Variants in RHBDD1 observed in about 807,000 individuals in gnomAD.
RHBDD1 encodes rhomboid domain containing 1.
In RHBDD1, 38 loss-of-function variants were observed where a neutral mutation model predicts 36.3. That is an observed-to-expected ratio of 1.05 (90% CI 0.81 to 1.37). The LOEUF (loss-of-function observed/expected upper bound fraction) is 1.37. Ranked by LOEUF, RHBDD1 falls within the 40% of genes most tolerant of loss-of-function variation. The pLI, the probability that RHBDD1 is intolerant of heterozygous loss-of-function variation, is 0.00. For synonymous variants in RHBDD1, 151 were observed against 136.5 expected, an observed-to-expected ratio of 1.11 and a Z score of -0.74; for missense variants, 393 against 377.6, an observed-to-expected ratio of 1.04 and a Z score of -0.34.
At chr2:226,910,878 G>A (rs995690219) in intron 7 of RHBDD1, among the ~76,000 whole-genome samples, 3 of 152,054 alleles carry the variant, frequency 2.0e-5, no homozygotes, top group African/African-American at 7.2e-5. Flanking sequence ...TTTGGGTCCT[G>A]TTGATGATCT....
rs541919107 is a variant in RHBDD1, at chr2:226,857,861, C to A, written c.-90-6743C>A. 6.2e-4 allele frequency among the ~76,000 whole-genome samples: 95 copies of A among 152,104 alleles called. 1 individual carries two copies. The highest frequency in any genetic ancestry group is 6.5e-4 in the Non-Finnish European group (44 of 67,974). ...AATTCTAGAATTAGATATGCACAAC[C>A]TTGTGAATATACTAAAAAAAAACAC... On this transcript the variant is annotated intron_variant, in intron 3 of 8. Coordinates refer to ENST00000392062, the MANE Select transcript of RHBDD1 (RefSeq NM_001167608.3).
chr2:226,941,623 C>T (rs777916080), intron 8 of RHBDD1, among the ~76,000 whole-genome samples: 2 of 152,158 alleles, frequency 1.3e-5, no homozygotes, highest in African/African-American at 4.8e-5. Context: ...GGTACTTGAG[C>T]TCATCTATTC....
intron 3 of RHBDD1, among the ~76,000 whole-genome samples, chr2:226,852,297 C>T (rs544291904): frequency 1.1e-4 from 17 of 152,208 alleles, no homozygotes; most frequent in Non-Finnish European, 2.4e-4. Context: ...ACCTTTGTTT[C>T]GCCGCAGTAA....
At chr2:226,869,303 A>T in intron 5 of RHBDD1, 1 of 432,362 alleles carries the variant, frequency 2.3e-6, no homozygotes, top group East Asian at 1.6e-4. Flanking sequence ...TTTGAATGAT[A>T]AACTTCTAAT....
intron 5 of RHBDD1, among the ~76,000 whole-genome samples, chr2:226,891,605 G>C (rs1224267185): frequency 6.6e-6 from 1 of 152,152 alleles, no homozygotes; most frequent in Non-Finnish European, 1.5e-5. Flanking sequence ...CATGGTGACA[G>C]AGCTGACATC....
intron 5 of RHBDD1, among the ~76,000 whole-genome samples, chr2:226,875,682 G>A (rs967373265): frequency 4.6e-5 from 7 of 152,104 alleles, no homozygotes; most frequent in Non-Finnish European, 1.0e-4. Context: ...GGCAGATGAT[G>A]AGATAGACTG....
At chr2:226,817,427 G>A in the RHBDD1 span, among the ~76,000 whole-genome samples, 1 of 152,112 alleles carries the variant, frequency 6.6e-6, no homozygotes, top group Non-Finnish European at 1.5e-5. Context: ...GCACCGATCA[G>A]GTACATTACA....
chr2:226,830,942 T>G (rs757188307), upstream of RHBDD1, among the ~76,000 whole-genome samples: 4 of 152,230 alleles, frequency 2.6e-5, no homozygotes, highest in Admixed American at 6.5e-5. Context: ...GTGCTGGGAT[T>G]ACGGGTGTGA....
At chr2:226,843,838 CA>C (rs1382510757) in intron 3 of RHBDD1, among the ~76,000 whole-genome samples, 1 of 152,148 alleles carries the variant, frequency 6.6e-6, no homozygotes, top group African/African-American at 2.4e-5. Context: ...ATAGTTTCAG[CA>C]GGAATGATAC....
chr2:226,900,510 A>C (rs1326509113), intron 5 of RHBDD1, among the ~76,000 whole-genome samples: 1 of 152,202 alleles, frequency 6.6e-6, no homozygotes, highest in African/African-American at 2.4e-5. Flanking sequence ...TTAAGCTAAC[A>C]GAAGAAATAA....
chr2:226,976,013 AGCATAGCAGG>A (rs908652320), intron 8 of RHBDD1, among the ~76,000 whole-genome samples: 2 of 151,812 alleles, frequency 1.3e-5, no homozygotes, highest in African/African-American at 4.8e-5. Context: ...TGCCCCCATT[AGCATAGCAGG>A]GCCTGTCTGG....
intron 3 of RHBDD1, among the ~76,000 whole-genome samples, chr2:226,840,250 G>C (rs1941462720): frequency 1.3e-5 from 2 of 152,126 alleles, no homozygotes; most frequent in African/African-American, 4.8e-5. Context: ...GGCTGTTTCA[G>C]GAAAGAAAAT....
At chr2:226,803,533 G>C in the RHBDD1 span, among the ~76,000 whole-genome samples, 3 of 152,084 alleles carry the variant, frequency 2.0e-5, no homozygotes, top group African/African-American at 7.2e-5. Context: ...TGGACACTGA[G>C]GATTTAGATA....
At chr2:226,812,534 G>A in the RHBDD1 span, among the ~76,000 whole-genome samples, 8 of 152,278 alleles carry the variant, frequency 5.3e-5, no homozygotes, top group South Asian at 6.2e-4. Flanking sequence ...ATTGAAATAC[G>A]CATAGCCGTG....
At chr2:226,876,759 G>A (rs1298862122) in intron 5 of RHBDD1, among the ~76,000 whole-genome samples, 2 of 151,804 alleles carry the variant, frequency 1.3e-5, no homozygotes. Context: ...TACCATATTG[G>A]AAATTAAAAC....
chr2:226,900,481 T>A (rs1947495737), intron 5 of RHBDD1, among the ~76,000 whole-genome samples: 1 of 152,174 alleles, frequency 6.6e-6, no homozygotes, highest in Non-Finnish European at 1.5e-5. Context: ...AGTTACGATT[T>A]TTCTAAAGAG....
chr2:226,800,387 A>G, the RHBDD1 span, among the ~76,000 whole-genome samples: 1 of 152,174 alleles, frequency 6.6e-6, no homozygotes, highest in African/African-American at 2.4e-5. Flanking sequence ...TGGGATCCCC[A>G]GATTTGCTGC....
the RHBDD1 span, among the ~76,000 whole-genome samples, chr2:226,823,700 G>C: frequency 4.3e-4 from 65 of 152,186 alleles, no homozygotes; most frequent in African/African-American, 1.5e-3. Flanking sequence ...ACACATACTG[G>C]GTAATTTATG....
At chr2:226,802,907 T>C in the RHBDD1 span, among the ~76,000 whole-genome samples, 1 of 152,248 alleles carries the variant, frequency 6.6e-6, no homozygotes, top group Non-Finnish European at 1.5e-5. Flanking sequence ...TATTGGTTTA[T>C]GTATGATACT....
Sources: gnomAD v4.1 joint callset for allele counts (sites outside exome capture counted in the v4.1 genomes callset) on GRCh38, gnomAD v4.1.1 for gene constraint, MANE v1.5 for transcripts, NCBI Gene and HGNC (gene_info 2026-07-23, HGNC 2026-07-21) for gene names.